Variants in SIPA1L3 observed in about 807,000 individuals in gnomAD.
SIPA1L3 encodes the protein signal-induced proliferation-associated 1-like protein 3.
In SIPA1L3, 59 loss-of-function variants were observed where a neutral mutation model predicts 150.1. The observed-to-expected ratio is 0.39, with a 90% CI of 0.32 to 0.49. SIPA1L3 has a LOEUF of 0.49. Ranked by LOEUF, SIPA1L3 falls within the 20% of genes least tolerant of loss-of-function variation. The pLI is 0.86. For synonymous variants in SIPA1L3, 1,070 were observed against 1,077.6 expected (o/e 0.99, Z 0.14); for missense variants, 2,211 against 2,489.5 (o/e 0.89, Z 2.38).
At position 38,106,296 on chromosome 19, in the gene SIPA1L3, G is replaced by A. The variant is rs541532266; in HGVS notation, c.2030-241G>A. 1.8e-4 allele frequency: 67 copies of A among 376,214 alleles called. 3 individuals carry two copies. Among genetic ancestry groups the A allele is most frequent in the South Asian group, 1.4e-3 (60 of 42,632 alleles). The allele number at this position is 376,214 out of a possible 1,614,324, so 23.3% of individuals were successfully genotyped here. A position where few individuals can be genotyped will look rare whatever the true frequency, so the allele number is the denominator to read the frequency against. ...TAATTTTTGTGCTTTTAGTAGAGAC[G>A]GGGTTTCACCATGTTGGCCAGGCTG... On this transcript the variant is annotated intron_variant, in intron 6 of 21. Coordinates refer to ENST00000222345, the MANE Select transcript of SIPA1L3 (RefSeq NM_015073.3).
At chr19:37,965,503 A>G (rs563502108) in intron 1 of SIPA1L3, among the ~76,000 whole-genome samples, 2 of 151,802 alleles carry the variant, frequency 1.3e-5, no homozygotes, top group Non-Finnish European at 2.9e-5. Flanking sequence ...TTTAGTAAAG[A>G]TGGGGTTTCA....
intron 10 of SIPA1L3, among the ~76,000 whole-genome samples, chr19:38,133,130 C>T (rs1343390959): frequency 2.0e-5 from 3 of 151,932 alleles, no homozygotes; most frequent in Non-Finnish European, 4.4e-5. Flanking sequence ...GTCTTTCGGC[C>T]GCAGCACTCC....
At chr19:38,103,302 T>G (rs577379638) in intron 6 of SIPA1L3, among the ~76,000 whole-genome samples, 1 of 152,190 alleles carries the variant, frequency 6.6e-6, no homozygotes, top group South Asian at 2.1e-4. Context: ...GCAGTCTCTG[T>G]GCTTATCATG....
rs975044036 is a variant in SIPA1L3 at position 38,143,055 on chromosome 19, C to T, written c.3533+345C>T. On this transcript the variant is annotated intron_variant, in intron 12 of 21. Transcript: ENST00000222345. The stretch of plus-strand genomic sequence containing the variant: ...CAGGCTGCCAGCATTACCCAGTTTT[C>T]GAGATCTTTCAGGATTCAGTTCTGC... Among the ~76,000 whole-genome samples, 16 of 152,288 alleles carry T rather than the reference C, an allele frequency of 1.1e-4. No individual in the cohort carries two copies. The East Asian group carries it at 2.5e-3, about 24-fold the overall frequency.
intron 1 of SIPA1L3, among the ~76,000 whole-genome samples, chr19:38,014,177 C>G (rs1293750920): frequency 6.6e-6 from 1 of 152,222 alleles, no homozygotes; most frequent in Admixed American, 6.5e-5. Context: ...CCATGGCATT[C>G]GTGCTGGTAA....
At chr19:38,038,462 C>T (rs1303143891) in intron 2 of SIPA1L3, among the ~76,000 whole-genome samples, 3 of 151,844 alleles carry the variant, frequency 2.0e-5, no homozygotes, top group African/African-American at 4.8e-5. Context: ...TGGTGGTGGG[C>T]GCCTGTAATC....
chr19:38,171,821 C>T (rs1007404736), intron 15 of SIPA1L3, among the ~76,000 whole-genome samples: 2 of 152,120 alleles, frequency 1.3e-5, no homozygotes, highest in Admixed American at 6.6e-5. Context: ...TGCACCACTG[C>T]ACTCCATCCT....
At chr19:37,944,224 G>A (rs989544886) in intron 1 of SIPA1L3, among the ~76,000 whole-genome samples, 8 of 152,010 alleles carry the variant, frequency 5.3e-5, no homozygotes, top group Admixed American at 1.3e-4. Flanking sequence ...GTTGCAGTGA[G>A]CTGAGATCGC....
intron 18 of SIPA1L3, 109 bp downstream of exon 18, chr19:38,193,889 CG>C: frequency 5.7e-6 from 7 of 1,236,244 alleles, no homozygotes; most frequent in Non-Finnish European, 7.4e-6. Flanking sequence ...TCATCAGTGT[CG>C]GGGCCATCTC....
At chr19:37,910,518 G>A (rs1167291251) in intron 1 of SIPA1L3, among the ~76,000 whole-genome samples, 2 of 147,640 alleles carry the variant, frequency 1.4e-5, no homozygotes, top group East Asian at 3.9e-4. Flanking sequence ...GACAGAGTGA[G>A]ACCCTGTCTC....
At chr19:37,934,365 T>C (rs2046581953) in intron 1 of SIPA1L3, among the ~76,000 whole-genome samples, 1 of 152,136 alleles carries the variant, frequency 6.6e-6, no homozygotes, top group Non-Finnish European at 1.5e-5. Flanking sequence ...AACACATATG[T>C]CCCTTGAGCT....
rs535072927 is a variant in SIPA1L3 at position 38,059,790 on chromosome 19, T to G, written c.-310-21466T>G. On this transcript the variant is annotated intron_variant, in intron 2 of 21. Transcript: ENST00000222345. ...CACCAGAACCCTTTTTTTTTCCTTT[T>G]TTTTGAGACAGAGTCTCACTCTGTC... Among the ~76,000 whole-genome samples the G allele has an allele frequency of 2.0e-5, 3 of 152,088 alleles. No homozygotes were observed. The South Asian group carries it at 6.2e-4, about 32-fold the overall frequency.
Position 38,110,289 on chromosome 19 carries a change from G to A in SIPA1L3, c.2196G>A (p.Ala732=), listed in dbSNP as rs200828228. Residue 732 remains alanine (A), a synonymous_variant, in exon 8 of 22, where the codon GCG becomes GCA. Transcript: ENST00000222345. The stretch of plus-strand genomic sequence containing the variant: ...CGATCATCTTCCAGGAGCCTGGCGC[G>A]CTACCGTTCACCCCCAAGAACATCC... ...IVTIIFQEPG[A]LPFTPKNIRS... is the part of the protein sequence containing the mutation. The A allele has an allele frequency of 4.4e-5, 71 of 1,614,082 alleles. No individual in the cohort carries two copies. In the East Asian group the frequency reaches 5.8e-4, roughly 13 times the overall value.
At chr19:38,133,688 G>A (rs572668667) in intron 10 of SIPA1L3, among the ~76,000 whole-genome samples, 4 of 152,294 alleles carry the variant, frequency 2.6e-5, no homozygotes, top group African/African-American at 4.8e-5. Flanking sequence ...GGCTGTCTAG[G>A]TTTGAATCCC....
intron 14 of SIPA1L3, among the ~76,000 whole-genome samples, chr19:38,162,646 G>A (rs577353378): frequency 7.9e-5 from 12 of 152,300 alleles, no homozygotes; most frequent in Admixed American, 3.9e-4. Flanking sequence ...AGACAGCCCC[G>A]AATCTCAGTG....
chr19:37,946,039 C>T (rs1286186011), intron 1 of SIPA1L3, among the ~76,000 whole-genome samples: 2 of 151,952 alleles, frequency 1.3e-5, no homozygotes, highest in Non-Finnish European at 2.9e-5. Flanking sequence ...CCTGTAATCC[C>T]AGCTACTCAG....
In SIPA1L3 at chr19:38,164,967, C is replaced by T. The variant is rs1344531246; in HGVS notation, c.4208+61C>T. ...TTCCACTTCGCCAGTTCTACTTTTACGGTCCTGATGGTGGGGTTCTCCTCC... is the reference window on the plus strand; with the variant it reads ...TTCCACTTCGCCAGTTCTACTTTTATGGTCCTGATGGTGGGGTTCTCCTCC... On this transcript the variant is annotated intron_variant, in intron 15 of 21. Coordinates refer to ENST00000222345, the MANE Select transcript of SIPA1L3 (RefSeq NM_015073.3). The surrounding 1 kb of genome is among the most constrained non-coding windows in gnomAD (Gnocchi z 4.1). 1.2e-5 allele frequency: 17 copies of T among 1,425,520 alleles called. No homozygotes were observed. The highest frequency in any genetic ancestry group is 2.5e-5 in the Admixed American group (1 of 40,290). The allele number at this position is 1,425,520 out of a possible 1,614,324, so 88.3% of individuals were successfully genotyped here.
At chr19:38,129,939 C>T (rs975281761) in intron 9 of SIPA1L3, among the ~76,000 whole-genome samples, 4 of 151,800 alleles carry the variant, frequency 2.6e-5, no homozygotes, top group South Asian at 2.1e-4. Context: ...TGGTAGCAGA[C>T]GCTTGTAATC....
At chr19:38,095,130 T>C (rs546852182) in intron 4 of SIPA1L3, among the ~76,000 whole-genome samples, 1 of 152,194 alleles carries the variant, frequency 6.6e-6, no homozygotes. Flanking sequence ...TAACTATGCA[T>C]GTGGCTTTGT....
Sources: gnomAD v4.1 joint callset for allele counts (sites outside exome capture counted in the v4.1 genomes callset) on GRCh38, gnomAD v4.1.1 for gene constraint, Gnocchi (gnomAD v3.1) non-coding constraint, MANE v1.5 for transcripts, NCBI Gene and HGNC (gene_info 2026-07-23, HGNC 2026-07-21) for gene names.